RUFY4: variants seen among roughly 807,000 people sequenced by gnomAD.
RUFY4 encodes RUN and FYVE domain containing 4, also known as RUN and FYVE domain-containing protein 4.
A neutral mutation model predicts 69.0 loss-of-function variants in RUFY4; 73 were observed. The ratio of observed to expected loss-of-function variants is 1.06; its 90% CI spans 0.88 to 1.29. The LOEUF (loss-of-function observed/expected upper bound fraction) is 1.29, where lower values mean the gene tolerates loss of function less well. Ranked by LOEUF, RUFY4 falls within the 50% of genes most tolerant of loss-of-function variation. The probability of loss-of-function intolerance (pLI) is 0.00; values close to 1 mark genes in which losing one functional copy is unlikely to be tolerated. For synonymous variants in RUFY4, 287 were observed against 271.8 expected, an observed-to-expected ratio of 1.06 and a Z score of -0.55; for missense variants, 770 against 705.6, an observed-to-expected ratio of 1.09 and a Z score of -1.03.
intron 2 of RUFY4, among the ~76,000 whole-genome samples, chr2:218,038,082 G>T (rs1959004940): frequency 6.6e-6 from 1 of 152,162 alleles, no homozygotes; most frequent in African/African-American, 2.4e-5. Context: ...TAAGTTTCAT[G>T]ATAGCGTCAG....
At chr2:218,077,944 T>A (rs1291056165) in intron 8 of RUFY4, among the ~76,000 whole-genome samples, 1 of 152,188 alleles carries the variant, frequency 6.6e-6, no homozygotes, top group East Asian at 1.9e-4. Context: ...TATAGAGAGA[T>A]GGCCTGGCCC....
intron 2 of RUFY4, among the ~76,000 whole-genome samples, chr2:218,071,155 G>A (rs1308672936): frequency 6.6e-6 from 1 of 152,158 alleles, no homozygotes; most frequent in African/African-American, 2.4e-5. Context: ...GGCCCTTCCT[G>A]CTGCTACTCA....
chr2:218,083,075 G>T (rs1467826467), intron 8 of RUFY4, 35 bp from the exon 11 acceptor site: 3 of 1,588,208 alleles, frequency 1.9e-6, no homozygotes, highest in Non-Finnish European at 2.6e-6. Flanking sequence ...GCTGAGCTTT[G>T]CCCCCTGAGA....
chr2:218,042,144 A>G (rs938535063), intron 2 of RUFY4, among the ~76,000 whole-genome samples: 5 of 152,236 alleles, frequency 3.3e-5, no homozygotes, highest in African/African-American at 1.2e-4. Flanking sequence ...ATGAGAGACT[A>G]CAACACACTT....
rs2106053032 is a variant in RUFY4 at position 218,073,844 on chromosome 2, C to T, written c.559C>T (p.Gln187Ter). ...ACGCTGCTCCAGTTCCACCCAAACCCAGGGAAGGAGACCCAGAAAAAACAA... is the reference window on the plus strand; with the variant it reads ...ACGCTGCTCCAGTTCCACCCAAACCTAGGGAAGGAGACCCAGAAAAAACAA... The change falls in exon 6 of 11, where the codon CAG becomes TAG. Residue 187 changes from glutamine to a stop codon, truncating the protein, a stop_gained. Transcript: ENST00000344321. LOFTEE classifies it high-confidence loss of function. The T allele has an allele frequency of 3.7e-6, 6 of 1,613,988 alleles. No individual in the cohort carries two copies. The East Asian group carries it at 1.3e-4, about 36-fold the overall frequency.
At chr2:218,043,765 C>T (rs913964060) in intron 2 of RUFY4, among the ~76,000 whole-genome samples, 1 of 152,232 alleles carries the variant, frequency 6.6e-6, no homozygotes, top group Non-Finnish European at 1.5e-5. Context: ...GGTGGGGCTT[C>T]GCCAGGGACC....
rs1431063911 is a variant in RUFY4 at position 218,076,407 on chromosome 2, C to T, written c.1249-20C>T. The T allele has an allele frequency of 1.3e-6, 2 of 1,548,096 alleles. No individual in the cohort carries two copies. The highest frequency in any genetic ancestry group is 2.4e-5 in the East Asian group (1 of 40,822). On this transcript the variant is annotated intron_variant, in intron 7 of 10. Coordinates refer to ENST00000344321, the Ensembl canonical transcript of RUFY4. ...TGCCCTTCTCCTTCAGCCTCCTTCT[C>T]CCCTCCTTCCACCCCACAGAGCCTC...
chr2:218,044,783 A>G (rs1688789871), intron 2 of RUFY4, among the ~76,000 whole-genome samples: 1 of 152,106 alleles, frequency 6.6e-6, no homozygotes, highest in African/African-American at 2.4e-5. Context: ...ATTCTTTTTT[A>G]TGGCTGCATA....
At chr2:218,079,157 C>T (rs1473322227) in intron 8 of RUFY4, among the ~76,000 whole-genome samples, 1 of 152,214 alleles carries the variant, frequency 6.6e-6, no homozygotes, top group African/African-American at 2.4e-5. Flanking sequence ...GCATGAGCCA[C>T]GGTGCCCGGC....
chr2:218,086,605 A>G (rs1689899293), intron 9 of RUFY4, among the ~76,000 whole-genome samples: 1 of 152,238 alleles, frequency 6.6e-6, no homozygotes, highest in African/African-American at 2.4e-5. Flanking sequence ...GGTGGAGTAA[A>G]GACATTTTCA....
intron 8 of RUFY4, among the ~76,000 whole-genome samples, chr2:218,079,718 G>T (rs1037836254): frequency 1.3e-5 from 2 of 152,068 alleles, no homozygotes; most frequent in Non-Finnish European, 2.9e-5. Flanking sequence ...CCCGGGAAAG[G>T]AGCCCGTGGG....
chr2:218,089,929 GC>G, intron 10 of RUFY4, 22 bp from the exon 13 acceptor site: 2 of 1,537,746 alleles, frequency 1.3e-6, no homozygotes, highest in Non-Finnish European at 1.8e-6. Context: ...GCCGCCCCAG[GC>G]TTTCCTGCCT....
At chr2:218,050,000 C>G (rs1300599221) in intron 2 of RUFY4, among the ~76,000 whole-genome samples, 1 of 152,202 alleles carries the variant, frequency 6.6e-6, no homozygotes, top group Admixed American at 6.5e-5. Context: ...AACCCAGCTG[C>G]TAGTTCTAGA....
At chr2:218,071,091 C>G (rs1689475283) in intron 2 of RUFY4, among the ~76,000 whole-genome samples, 1 of 152,198 alleles carries the variant, frequency 6.6e-6, no homozygotes, top group Non-Finnish European at 1.5e-5. Context: ...GGGACCCAGA[C>G]CTGGGGGCAA....
intron 9 of RUFY4, among the ~76,000 whole-genome samples, chr2:218,086,231 T>TGA (rs1414393236): frequency 6.6e-6 from 1 of 152,202 alleles, no homozygotes; most frequent in Non-Finnish European, 1.5e-5. Flanking sequence ...AATCAGTCTC[T>TGA]GAGTTCCAAT....
intron 7 of RUFY4, among the ~76,000 whole-genome samples, 164 bp downstream of exon 9, chr2:218,075,904 T>G (rs749301263): frequency 6.6e-5 from 10 of 152,010 alleles, no homozygotes; most frequent in Non-Finnish European, 1.2e-4. Context: ...CATACATTCT[T>G]CAGGTCCCCA....
At chr2:218,067,230 G>A (rs1689360172), upstream of RUFY4, among the ~76,000 whole-genome samples, 1 of 152,202 alleles carries the variant, frequency 6.6e-6, no homozygotes, top group African/African-American at 2.4e-5. Flanking sequence ...CCCGCAGATG[G>A]CTGCCCCACC....
At chr2:218,041,910 T>C (rs1574491321) in intron 2 of RUFY4, among the ~76,000 whole-genome samples, 2 of 152,352 alleles carry the variant, frequency 1.3e-5, no homozygotes, top group East Asian at 3.9e-4. Context: ...GCAAGCAGTA[T>C]AGCGTTATTC....
In RUFY4 at chr2:218,075,508, G is replaced by A. The variant is rs1689606778; in HGVS notation, c.1016G>A (p.Trp339Ter). The A allele has an allele frequency of 3.2e-6, 5 of 1,575,774 alleles. No homozygotes were observed. Among genetic ancestry groups the A allele is most frequent in the Non-Finnish European group, 3.4e-6 (4 of 1,160,866 alleles). ...GGGACTCACAAAAAGGAAGCAGAGT[G>A]GAGTCACGTCCAGAGGCTGCTGATG... The change falls in exon 7 of 11, where the codon TGG (tryptophan) becomes TAG (stop). Residue 339 changes from tryptophan to a stop codon, truncating the protein, a stop_gained. Transcript: ENST00000344321. LOFTEE classifies it high-confidence loss of function.
Sources: allele counts gnomAD v4.1 joint callset (sites outside exome capture counted in the v4.1 genomes callset), GRCh38; gene constraint gnomAD v4.1.1; transcripts MANE v1.5; gene names NCBI Gene and HGNC (gene_info 2026-07-23, HGNC 2026-07-21).